The following TRAPPC11 variants were observed in gnomAD, a reference collection of about 807,000 sequenced individuals.
The protein encoded by TRAPPC11 is foie gras homolog.
In TRAPPC11, 104 loss-of-function variants were observed where a neutral mutation model predicts 151.2. That is an observed-to-expected ratio of 0.69 (90% CI 0.59 to 0.81). TRAPPC11 has a LOEUF of 0.81. TRAPPC11 is among the 30% of genes least tolerant of loss of function. The pLI is 0.00. For missense variants in TRAPPC11, 1,230 were observed against 1,349.6 expected (o/e 0.91, Z 1.39); for synonymous variants, 456 against 472.3 (o/e 0.97, Z 0.45).
intron 29 of TRAPPC11, 96 bp downstream of exon 29, chr4:183,708,670 C>T: frequency 8.7e-7 from 1 of 1,146,904 alleles, no homozygotes; most frequent in South Asian, 1.4e-5. Context: ...ATTTTGAGAC[C>T]AACAGTGATA....
At chr4:183,664,405 C>G (rs1197368178) in intron 2 of TRAPPC11, among the ~76,000 whole-genome samples, 1 of 151,966 alleles carries the variant, frequency 6.6e-6, no homozygotes, top group Non-Finnish European at 1.5e-5. Flanking sequence ...TTTTTGAATC[C>G]CATGGTCTGT....
chr4:183,661,464 C>T (rs983445519), intron 1 of TRAPPC11, among the ~76,000 whole-genome samples: 30 of 148,922 alleles, frequency 2.0e-4, no homozygotes, highest in South Asian at 1.1e-3. Flanking sequence ...CTCCGCCTCC[C>T]GGGTTCACGC....
chr4:183,707,360 C>T (rs143124890), intron 28 of TRAPPC11, among the ~76,000 whole-genome samples: 4 of 151,572 alleles, frequency 2.6e-5, no homozygotes, highest in South Asian at 4.2e-4. Flanking sequence ...TTTGATTTTG[C>T]GTAGAATATA....
chr4:183,678,228 C>T (rs369695977), intron 8 of TRAPPC11, among the ~76,000 whole-genome samples: 1 of 152,116 alleles, frequency 6.6e-6, no homozygotes, highest in Non-Finnish European at 1.5e-5. Flanking sequence ...TGAGCCACCA[C>T]GCCCAGCCAG....
Position 183,659,314 on chromosome 4 carries a change from G to T in TRAPPC11, c.-155G>T, listed in dbSNP as rs1579139443. On this transcript the variant is annotated 5_prime_UTR_variant, in exon 1 of 30. Transcript: ENST00000334690. ...AGGTGGGTACAGGGAAGTCTCGCCTGTTGGAACTGGCTGTGGGGCTGCGGC... is the reference window on the plus strand; with the variant it reads ...AGGTGGGTACAGGGAAGTCTCGCCTTTTGGAACTGGCTGTGGGGCTGCGGC... The T allele has an allele frequency of 1.3e-5, 3 of 236,264 alleles. No individual in the cohort carries two copies. Among genetic ancestry groups the T allele is most frequent in the Middle Eastern group, 1.3e-3 (1 of 752 alleles). The allele number at this position is 236,264 out of a possible 1,614,324, so 14.6% of individuals were successfully genotyped here.
intron 17 of TRAPPC11, among the ~76,000 whole-genome samples, 167 bp from the exon 18 acceptor site, chr4:183,686,451 A>G (rs1036003805): frequency 5.9e-5 from 9 of 152,160 alleles, no homozygotes; most frequent in Non-Finnish European, 1.2e-4. Context: ...TTTTATTTTT[A>G]TAATAAAAAG....
chr4:183,694,532 A>C, intron 22 of TRAPPC11, 72 bp from the exon 23 acceptor site: 1 of 1,457,130 alleles, frequency 6.9e-7, no homozygotes, highest in Non-Finnish European at 9.4e-7. Flanking sequence ...AGGTGGGAAC[A>C]TTATCCTAGA....
chr4:183,673,448 T>C (rs1056446234), intron 5 of TRAPPC11, among the ~76,000 whole-genome samples: 6 of 152,180 alleles, frequency 3.9e-5, no homozygotes, highest in Non-Finnish European at 5.9e-5. Flanking sequence ...TCGAGGCATT[T>C]GGATCGTTTA....
chr4:183,701,804 A>G lies in TRAPPC11; in HGVS notation c.2959A>G (p.Lys987Glu). 6.3e-7 allele frequency: 1 copy of G among 1,588,126 alleles called. No homozygotes were observed. The highest frequency in any genetic ancestry group is 8.6e-7 in the Non-Finnish European group (1 of 1,156,390). ...VATGHYIISW[K>E]RTSAMENIPI... ...AACCGGGCATTATATTATCTCTTGG[A>G]AAAGGTAAGAATTATGTCAATCCTG... is the stretch of plus-strand genomic sequence containing the variant. The change falls in exon 26 of 30, where the codon AAA (lysine) becomes GAA (glutamate). Residue 987 changes from lysine to glutamate, a missense_variant. Coordinates refer to ENST00000334690, the MANE Select transcript of TRAPPC11 (RefSeq NM_021942.6).
chr4:183,699,512 A>G (rs574231179), intron 25 of TRAPPC11, among the ~76,000 whole-genome samples: 1 of 152,212 alleles, frequency 6.6e-6, no homozygotes, highest in Non-Finnish European at 1.5e-5. Flanking sequence ...TTAGCTAATA[A>G]GTGTTTACTA....
chr4:183,712,579 T>C, intron 29 of TRAPPC11, 21 bp from the exon 30 acceptor site: 1 of 1,613,178 alleles, frequency 6.2e-7, no homozygotes. Context: ...GTAAACCCAC[T>C]TTGTTTTTCC....
intron 18 of TRAPPC11, among the ~76,000 whole-genome samples, chr4:183,689,388 C>G (rs1286367235): frequency 6.6e-6 from 1 of 152,002 alleles, no homozygotes; most frequent in Non-Finnish European, 1.5e-5. Flanking sequence ...TGCCTTTTCT[C>G]ACTTAAAAGC....
rs747711236 is a variant in TRAPPC11 at position 183,692,959 on chromosome 4, G to A, written c.2050-1G>A. On this transcript the variant is annotated splice_acceptor_variant, in intron 19 of 29. Coordinates refer to ENST00000334690, the MANE Select transcript of TRAPPC11 (RefSeq NM_021942.6). LOFTEE classifies it high-confidence loss of function. ...TCCAACATCCTTTTTTTTCTTTTTAGATTACTTCAGTGGATCTTGCTCTGG... is the reference window on the plus strand; with the variant it reads ...TCCAACATCCTTTTTTTTCTTTTTAAATTACTTCAGTGGATCTTGCTCTGG... 1 of 1,587,350 alleles carries A rather than the reference G, an allele frequency of 6.3e-7. No homozygotes were observed. The highest frequency in any genetic ancestry group is 8.6e-7 in the Non-Finnish European group (1 of 1,167,946).
At chr4:183,700,672 T>C (rs1455492373) in intron 25 of TRAPPC11, among the ~76,000 whole-genome samples, 1 of 152,102 alleles carries the variant, frequency 6.6e-6, no homozygotes, top group East Asian at 1.9e-4. Flanking sequence ...GCGGTATGAG[T>C]GCTATTAGTA....
In TRAPPC11 at chr4:183,686,506, A is replaced by C. The variant is rs1005819615; in HGVS notation, c.1763-112A>C. On this transcript the variant is annotated intron_variant, in intron 17 of 29. Transcript: ENST00000334690. ...AAGTGCCTTAAGTGCAGAAGTCAGT[A>C]AGAATGGTCAGTGCAGATGTGTCTT... 1.2e-5 allele frequency: 14 copies of C among 1,215,192 alleles called. No individual in the cohort carries two copies. The Admixed American group carries it at 3.2e-4, about 28-fold the overall frequency. 75.3% of individuals were successfully genotyped at this position (1,215,192 alleles called of 1,614,324 possible).
intron 25 of TRAPPC11, among the ~76,000 whole-genome samples, chr4:183,700,198 C>T (rs1021107999): frequency 6.6e-5 from 10 of 151,962 alleles, no homozygotes; most frequent in Admixed American, 3.3e-4. Flanking sequence ...TATGAATGGC[C>T]CAGGTTTTTT....
At chr4:183,705,104 A>G in intron 27 of TRAPPC11, 34 bp downstream of exon 27, 1 of 1,370,738 alleles carries the variant, frequency 7.3e-7, no homozygotes, top group South Asian at 1.2e-5. Flanking sequence ...GATAAGAAGG[A>G]CCCAATAATA....
Position 183,664,064 on chromosome 4 carries a change from G to T in TRAPPC11, c.197G>T (p.Arg66Ile). ...LPGDHEYPKC[R>I]PKRTSYEWYI... ...GGTGACCATGAGTATCCCAAATGTA[G>T]ACCCAAGGTAATGGCATTGTGATGG... is the stretch of plus-strand genomic sequence containing the variant. The change falls in exon 2 of 30, where the codon AGA becomes ATA. Residue 66 changes from arginine (R) to isoleucine (I), a missense_variant. Coordinates refer to ENST00000334690, the MANE Select transcript of TRAPPC11 (RefSeq NM_021942.6). The T allele has an allele frequency of 6.2e-7, 1 of 1,612,362 alleles. No individual in the cohort carries two copies. The highest frequency in any genetic ancestry group is 8.5e-7 in the Non-Finnish European group (1 of 1,179,698).
At chr4:183,676,944 T>C (rs968629349) in intron 7 of TRAPPC11, among the ~76,000 whole-genome samples, 1 of 151,982 alleles carries the variant, frequency 6.6e-6, no homozygotes, top group African/African-American at 2.4e-5. Context: ...TTTGTATTTT[T>C]AGTAGAGACG....
Sources: gnomAD v4.1 joint callset for allele counts (sites outside exome capture counted in the v4.1 genomes callset) on GRCh38, gnomAD v4.1.1 for gene constraint, MANE v1.5 for transcripts, NCBI Gene and HGNC (gene_info 2026-07-23, HGNC 2026-07-21) for gene names.